Variants in MTREX observed in about 807,000 individuals in gnomAD.
MTREX encodes Mtr4 exosome RNA helicase.
A neutral mutation model predicts 135.4 loss-of-function variants in MTREX; 76 were observed. The observed-to-expected ratio is 0.56, with a 90% CI of 0.47 to 0.68. MTREX has a LOEUF of 0.68. Ranked by LOEUF, MTREX falls within the 30% of genes least tolerant of loss-of-function variation. The probability of loss-of-function intolerance (pLI) is 0.00; values close to 1 mark genes in which losing one functional copy is unlikely to be tolerated. For missense variants in MTREX, 920 were observed against 1,262.1 expected (o/e 0.73, Z 4.11); for synonymous variants, 404 against 401.6 (o/e 1.01, Z -0.07).
intron 18 of MTREX, among the ~76,000 whole-genome samples, chr5:55,387,378 T>A (rs1750496165): frequency 6.6e-6 from 1 of 152,100 alleles, no homozygotes; most frequent in African/African-American, 2.4e-5. Context: ...TCCTTTTGTA[T>A]ATTTTATGCA....
In MTREX at chr5:55,344,500, GTTTAA is replaced by G; in HGVS notation, c.907-19_907-15del. Reference sequence around the variant, plus strand: ...ATTTTGAGGAAATAAAATTTTGTATGTTTAATTCTTTCTTTTTACAGCCTTGTCAT... The same window carrying G: ...ATTTTGAGGAAATAAAATTTTGTATGTTCTTTCTTTTTACAGCCTTGTCAT... On this transcript the variant is annotated splice_polypyrimidine_tract_variant and intron_variant, in intron 8 of 26. Transcript: ENST00000230640. The G allele has an allele frequency of 6.7e-7, 1 of 1,501,994 alleles. No individual in the cohort carries two copies. Among genetic ancestry groups the G allele is most frequent in the Non-Finnish European group, 9.3e-7 (1 of 1,080,496 alleles). The allele number at this position is 1,501,994 out of a possible 1,614,324, so 93.0% of individuals were successfully genotyped here.
At chr5:55,407,574 T>G (rs1009081662) in intron 22 of MTREX, among the ~76,000 whole-genome samples, 1 of 152,182 alleles carries the variant, frequency 6.6e-6, no homozygotes, top group Non-Finnish European at 1.5e-5. Flanking sequence ...TCCCCCAAAT[T>G]TGCAAAAACT....
intron 25 of MTREX, among the ~76,000 whole-genome samples, chr5:55,419,106 A>G (rs1045465041): frequency 1.3e-5 from 2 of 152,136 alleles, no homozygotes; most frequent in East Asian, 1.9e-4. Context: ...CAGCCTCCCA[A>G]GGTGTTGAGA....
chr5:55,328,650 TGATAC>T, intron 4 of MTREX, 44 bp from the exon 5 acceptor site: 1 of 1,280,650 alleles, frequency 7.8e-7, no homozygotes, highest in South Asian at 1.2e-5. Context: ...AAGTATGCTC[TGATAC>T]AACTAGATGT....
At chr5:55,423,839 T>G (rs1401746076) in intron 26 of MTREX, 1 of 152,226 alleles carries the variant, frequency 6.6e-6, no homozygotes, top group African/African-American at 2.4e-5. Flanking sequence ...CAGTCAATGC[T>G]AGTGATTTCT....
At chr5:55,419,651 AAACAATATTGTACTCTT>A (rs1418482033) in intron 25 of MTREX, among the ~76,000 whole-genome samples, 1 of 152,250 alleles carries the variant, frequency 6.6e-6, no homozygotes, top group Non-Finnish European at 1.5e-5. Context: ...GACTCTACAT[AAACAATATTGTACTCTT>A]AACTATGAAG....
chr5:55,423,050 AC>A, intron 26 of MTREX, 68 bp downstream of exon 26: 1 of 1,181,956 alleles, frequency 8.5e-7, no homozygotes, highest in Non-Finnish European at 1.2e-6. Context: ...TGAGCCCTGG[AC>A]CACAACCTAG....
At chr5:55,406,476 C>G (rs889165751) in intron 22 of MTREX, among the ~76,000 whole-genome samples, 2 of 152,300 alleles carry the variant, frequency 1.3e-5, no homozygotes, top group Middle Eastern at 3.4e-3. Context: ...TTCTAGCTGG[C>G]TAAGGTTGCC....
intron 17 of MTREX, 60 bp from the exon 18 acceptor site, chr5:55,379,067 C>T (rs1288249674): frequency 8.4e-7 from 1 of 1,183,894 alleles, no homozygotes; most frequent in East Asian, 2.4e-5. Flanking sequence ...GTGTGAAAGG[C>T]TGAAATTGCC....
chr5:55,353,562 G>C (rs1749862283), intron 14 of MTREX, among the ~76,000 whole-genome samples: 1 of 152,144 alleles, frequency 6.6e-6, no homozygotes, highest in Non-Finnish European at 1.5e-5. Flanking sequence ...AATCACCTGG[G>C]AGTGGTGATG....
At position 55,397,398 on chromosome 5, in the gene MTREX, A is replaced by G. The variant is rs546041945; in HGVS notation, c.2182-18A>G. On this transcript the variant is annotated intron_variant, in intron 19 of 26. Coordinates refer to ENST00000230640, the MANE Select transcript of MTREX (RefSeq NM_015360.5). ...TGTGCAAATTTAACTGTAATACTGT[A>G]TAACTTTTTGGTCATAGGTTGTCCC... The G allele has an allele frequency of 2.6e-5, 40 of 1,535,282 alleles. No individual in the cohort carries two copies. In the South Asian group the frequency reaches 4.5e-4, roughly 17 times the overall value.
At chr5:55,375,543 C>G (rs1000246894) in intron 16 of MTREX, among the ~76,000 whole-genome samples, 1 of 152,200 alleles carries the variant, frequency 6.6e-6, no homozygotes, top group Non-Finnish European at 1.5e-5. Flanking sequence ...AACAATTGCT[C>G]TTATCCTGTT....
At chr5:55,378,928 A>G (rs1750349884) in intron 17 of MTREX, among the ~76,000 whole-genome samples, 199 bp from the exon 18 acceptor site, 1 of 152,176 alleles carries the variant, frequency 6.6e-6, no homozygotes, top group African/African-American at 2.4e-5. Context: ...CCTAGGGGCA[A>G]TTTCTAAAAT....
Position 55,425,508 on chromosome 5 carries a change from T to C in MTREX, c.*736T>C. The C allele has an allele frequency of 1.7e-6, 1 of 594,806 alleles. No homozygotes were observed. Among genetic ancestry groups the C allele is most frequent in the South Asian group, 3.5e-5 (1 of 28,870 alleles). 36.8% of individuals were successfully genotyped at this position (594,806 alleles called of 1,614,324 possible). Reference sequence around the variant, plus strand: ...GGGATTTTTTAAAGATTATTCCAAATTAAGAGTTGCTTTGTTATGCCTTCA... The same window carrying C: ...GGGATTTTTTAAAGATTATTCCAAACTAAGAGTTGCTTTGTTATGCCTTCA... On this transcript the variant is annotated 3_prime_UTR_variant, in exon 27 of 27. Transcript: ENST00000230640.
chr5:55,400,137 T>C (rs1370677603), intron 20 of MTREX, 96 bp from the exon 21 acceptor site: 1 of 843,822 alleles, frequency 1.2e-6, no homozygotes, highest in East Asian at 2.6e-5. Flanking sequence ...ATACTTTTTA[T>C]GTCCATGTGC....
intron 13 of MTREX, among the ~76,000 whole-genome samples, chr5:55,352,077 G>A (rs1749839424): frequency 6.6e-6 from 1 of 151,462 alleles, no homozygotes. Flanking sequence ...TAGAGATGGG[G>A]TTTCACCATG....
At chr5:55,412,629 A>G (rs1750900093) in intron 23 of MTREX, among the ~76,000 whole-genome samples, 2 of 152,204 alleles carry the variant, frequency 1.3e-5, no homozygotes, top group Non-Finnish European at 2.9e-5. Context: ...GGCCTCACTA[A>G]TGAAGTGAAA....
rs1290816158 is a variant in MTREX, at chr5:55,405,468, C to G, written c.2525C>G (p.Ala842Gly). The G allele has an allele frequency of 6.2e-7, 1 of 1,613,690 alleles. No homozygotes were observed. Among genetic ancestry groups the G allele is most frequent in the Non-Finnish European group, 8.5e-7 (1 of 1,179,812 alleles). Residue 842 changes from alanine (A) to glycine (G), a missense_variant, in exon 22 of 27, where the codon GCA becomes GGA. Coordinates refer to ENST00000230640, the MANE Select transcript of MTREX (RefSeq NM_015360.5). ...IKSAKRELKK[A>G]RTVLQMDELK... ...TCTGCAAAGCGAGAACTGAAGAAAG[C>G]AAGAACAGTCCTACAAATGGATGAA...
At chr5:55,417,431 G>A (rs1329628295) in intron 25 of MTREX, among the ~76,000 whole-genome samples, 7 of 152,194 alleles carry the variant, frequency 4.6e-5, no homozygotes, top group Non-Finnish European at 7.3e-5. Flanking sequence ...TGTAAGTTCA[G>A]TTAAGCACCA....
Sources: allele counts gnomAD v4.1 joint callset (sites outside exome capture counted in the v4.1 genomes callset), GRCh38; gene constraint gnomAD v4.1.1; transcripts MANE v1.5; gene names NCBI Gene and HGNC (gene_info 2026-07-23, HGNC 2026-07-21).